BRDT: variants seen among roughly 807,000 people sequenced by gnomAD.
BRDT encodes the protein bromodomain testis-specific protein.
In BRDT, 77 loss-of-function variants were observed where a neutral mutation model predicts 113.9. The observed-to-expected ratio is 0.68, with a 90% CI of 0.56 to 0.82. The LOEUF is 0.82. Ranked by LOEUF, BRDT falls within the 40% of genes least tolerant of loss-of-function variation. BRDT has a pLI of 0.00. For synonymous variants in BRDT, 358 were observed against 366.5 expected, an observed-to-expected ratio of 0.98 and a Z score of 0.26; for missense variants, 1,027 against 1,105.4, an observed-to-expected ratio of 0.93 and a Z score of 1.01.
chr1:91,993,834 A>T (rs749318225), intron 14 of BRDT, among the ~76,000 whole-genome samples: 5 of 152,222 alleles, frequency 3.3e-5, no homozygotes, highest in Non-Finnish European at 7.3e-5. Context: ...CATAACTAAG[A>T]TCATAGGCTT....
intron 13 of BRDT, among the ~76,000 whole-genome samples, chr1:91,991,991 CAAAAAAAAAAAAAAAAAA>C (rs764759925): frequency 3.0e-5 from 2 of 67,740 alleles, no homozygotes; most frequent in African/African-American, 5.8e-5. Context: ...GACTCTGTCT[CAAAAAAAAAAAAAAAAAA>C]AAAAAAAAAG....
At chr1:91,985,610 G>T (rs1406833883) in intron 12 of BRDT, among the ~76,000 whole-genome samples, 2 of 146,160 alleles carry the variant, frequency 1.4e-5, no homozygotes, top group Non-Finnish European at 3.0e-5. Context: ...TAATGTTTGT[G>T]TCAGAGACAG....
At chr1:91,954,271 ATTTTTT>A (rs34674557) in intron 1 of BRDT, among the ~76,000 whole-genome samples, 8 of 79,786 alleles carry the variant, frequency 1.0e-4, no homozygotes, top group South Asian at 4.6e-4. Flanking sequence ...GGTGCTCGGC[ATTTTTT>A]TTTTTTTTTT....
intron 3 of BRDT, among the ~76,000 whole-genome samples, chr1:91,966,729 A>C (rs991383021): frequency 5.3e-5 from 8 of 152,182 alleles, no homozygotes; most frequent in Non-Finnish European, 1.0e-4. Context: ...TCTCAGTCAT[A>C]AATTGAAGCA....
chr1:91,964,295 A>G (rs1682825293), intron 2 of BRDT, among the ~76,000 whole-genome samples: 1 of 152,214 alleles, frequency 6.6e-6, no homozygotes, highest in Non-Finnish European at 1.5e-5. Flanking sequence ...TCGTGACCTC[A>G]GGTGATCCAC....
intron 18 of BRDT, among the ~76,000 whole-genome samples, chr1:92,009,725 TTTTTA>T (rs139304676): frequency 0.19 from 28,277 of 151,072 alleles, 3,332 homozygotes; most frequent in Middle Eastern, 0.27. Flanking sequence ...ATTTTTTTAT[TTTTTA>T]TTTTATTTAT....
intron 15 of BRDT, among the ~76,000 whole-genome samples, 193 bp downstream of exon 15, chr1:91,994,447 C>T (rs1269898201): frequency 2.6e-5 from 4 of 152,116 alleles, no homozygotes; most frequent in African/African-American, 9.7e-5. Context: ...TGTAGGCATT[C>T]ATTATATTTA....
intron 3 of BRDT, 89 bp from the exon 4 acceptor site, chr1:91,968,057 A>G (rs1366530910): frequency 7.5e-7 from 1 of 1,334,784 alleles, no homozygotes; most frequent in Non-Finnish European, 1.0e-6. Context: ...GTACTATGTT[A>G]CTGCCTTCCA....
intron 4 of BRDT, among the ~76,000 whole-genome samples, chr1:91,972,667 A>G (rs1683740295): frequency 6.6e-6 from 1 of 152,168 alleles, no homozygotes; most frequent in South Asian, 2.1e-4. Context: ...AGAGCTTTTT[A>G]TTCTTGTGAG....
At chr1:91,968,918 ATTTATTTAT>A (rs1683339400) in intron 4 of BRDT, among the ~76,000 whole-genome samples, 1 of 8,066 alleles carries the variant, frequency 1.2e-4, no homozygotes, top group Non-Finnish European at 6.9e-4. Flanking sequence ...AAAATTATTT[ATTTATTTAT>A]TTATTTATTT....
chr1:92,005,456 T>TA (rs1687213130), intron 18 of BRDT, among the ~76,000 whole-genome samples, 157 bp downstream of exon 18: 3 of 152,090 alleles, frequency 2.0e-5, no homozygotes, highest in African/African-American at 7.2e-5. Context: ...AAGCTTAAAA[T>TA]AAAAAAATTC....
At chr1:91,987,926 T>A (rs1333671709) in intron 12 of BRDT, among the ~76,000 whole-genome samples, 1 of 152,106 alleles carries the variant, frequency 6.6e-6, no homozygotes, top group African/African-American at 2.4e-5. Flanking sequence ...CTCCACTCAC[T>A]GCAACCTCTG....
At chr1:92,011,900 G>A (rs962596933) in intron 18 of BRDT, among the ~76,000 whole-genome samples, 1 of 152,164 alleles carries the variant, frequency 6.6e-6, no homozygotes, top group Non-Finnish European at 1.5e-5. Context: ...CCTCATGCCA[G>A]TTACCTTGAC....
At chr1:92,002,359 T>G (rs956666849) in intron 16 of BRDT, among the ~76,000 whole-genome samples, 5 of 151,396 alleles carry the variant, frequency 3.3e-5, no homozygotes, top group African/African-American at 4.9e-5. Flanking sequence ...CTTGTTTGTG[T>G]TTTTTTGTTG....
rs189086920 is a variant in BRDT, at chr1:92,005,067, A to G, written c.2595-52A>G. 3.5e-5 allele frequency: 45 copies of G among 1,294,702 alleles called. No homozygotes were observed. The East Asian group carries it at 9.5e-4, about 27-fold the overall frequency. The allele number at this position is 1,294,702 out of a possible 1,614,324, so 80.2% of individuals were successfully genotyped here. ...TTTGTCATTTAATAACATTTTTGTA[A>G]TACTTTTAAGGAACTTGAAACCTAC... is the stretch of plus-strand genomic sequence containing the variant. On this transcript the variant is annotated intron_variant, in intron 17 of 18. Transcript: ENST00000399546.
intron 12 of BRDT, among the ~76,000 whole-genome samples, chr1:91,984,284 G>C (rs1488031373): frequency 2.6e-5 from 4 of 151,692 alleles, no homozygotes; most frequent in Admixed American, 1.3e-4. Flanking sequence ...TATTTTAAAG[G>C]CTCTTAATTT....
At chr1:91,987,962 G>T (rs1685412284) in intron 12 of BRDT, among the ~76,000 whole-genome samples, 1 of 151,978 alleles carries the variant, frequency 6.6e-6, no homozygotes, top group African/African-American at 2.4e-5. Flanking sequence ...CAATTCTTCT[G>T]CCTCAGCCTC....
intron 12 of BRDT, among the ~76,000 whole-genome samples, chr1:91,990,811 T>C (rs910962296): frequency 6.6e-6 from 1 of 152,220 alleles, no homozygotes; most frequent in African/African-American, 2.4e-5. Context: ...TTTCTTTCTT[T>C]TTTTGAGACA....
chr1:91,992,355 G>T (rs761642035), intron 14 of BRDT, 41 bp downstream of exon 14: 1 of 1,272,580 alleles, frequency 7.9e-7, no homozygotes, highest in South Asian at 1.5e-5. Flanking sequence ...GGGAAGAAAT[G>T]GTTTACATAT....
Sources: gnomAD v4.1 joint callset for allele counts (sites outside exome capture counted in the v4.1 genomes callset) on GRCh38, gnomAD v4.1.1 for gene constraint, MANE v1.5 for transcripts, NCBI Gene and HGNC (gene_info 2026-07-23, HGNC 2026-07-21) for gene names.